C1QTNF3: variants seen among roughly 807,000 people sequenced by gnomAD.
C1QTNF3 encodes complement C1q tumor necrosis factor-related protein 3.
A neutral mutation model predicts 32.6 loss-of-function variants in C1QTNF3; 26 were observed. The observed-to-expected ratio is 0.80, with a 90% CI of 0.58 to 1.11. C1QTNF3 has a LOEUF of 1.11. Ranked by LOEUF, C1QTNF3 falls within the 50% of genes least tolerant of loss-of-function variation. C1QTNF3 has a pLI of 0.00. For synonymous variants in C1QTNF3, 155 were observed against 146.0 expected (o/e 1.06, Z -0.44); for missense variants, 362 against 398.2 (o/e 0.91, Z 0.77).
chr5:34,203,453 C>T, the C1QTNF3 span, among the ~76,000 whole-genome samples: 3 of 152,204 alleles, frequency 2.0e-5, no homozygotes, highest in Admixed American at 6.5e-5. Context: ...TTTGGGAGGC[C>T]GAGGTGGGTG....
chr5:34,202,415 G>A, the C1QTNF3 span, among the ~76,000 whole-genome samples: 2 of 151,948 alleles, frequency 1.3e-5, no homozygotes, highest in East Asian at 3.9e-4. Flanking sequence ...TTCATCTGTC[G>A]AATTTTCCCA....
At chr5:34,044,264 T>G (rs1754943778), upstream of C1QTNF3, among the ~76,000 whole-genome samples, 1 of 152,266 alleles carries the variant, frequency 6.6e-6, no homozygotes, top group Admixed American at 6.5e-5. Flanking sequence ...ATTTAAACAG[T>G]TTTGTCATCA....
At chr5:34,239,105 T>G in the C1QTNF3 span, among the ~76,000 whole-genome samples, 464 of 152,242 alleles carry the variant, frequency 3.0e-3, 4 homozygotes, top group African/African-American at 0.011. Flanking sequence ...AGGGAGTCAA[T>G]TTCAACTTGA....
the C1QTNF3 span, among the ~76,000 whole-genome samples, chr5:34,226,908 G>C: frequency 6.6e-6 from 1 of 151,530 alleles, no homozygotes; most frequent in Non-Finnish European, 1.5e-5. Context: ...GTGTTTACAA[G>C]ATGGATCCTT....
the C1QTNF3 span, among the ~76,000 whole-genome samples, chr5:34,176,843 C>T: frequency 5.1e-3 from 689 of 136,032 alleles, 1 homozygote; most frequent in Middle Eastern, 0.019. Flanking sequence ...GGTGACAGAA[C>T]AAGACCCTAT....
At chr5:34,131,939 C>G in the C1QTNF3 span, among the ~76,000 whole-genome samples, 1 of 151,860 alleles carries the variant, frequency 6.6e-6, no homozygotes, top group African/African-American at 2.4e-5. Flanking sequence ...AGAAAAAATA[C>G]AAAACATTAA....
the C1QTNF3 span, among the ~76,000 whole-genome samples, chr5:34,205,213 G>C: frequency 2.6e-5 from 4 of 151,614 alleles, no homozygotes; most frequent in African/African-American, 9.7e-5. Context: ...CAAAATAAGA[G>C]TCAGGATTTT....
the C1QTNF3 span, among the ~76,000 whole-genome samples, chr5:34,197,092 C>G: frequency 6.6e-6 from 1 of 152,298 alleles, no homozygotes; most frequent in Non-Finnish European, 1.5e-5. Flanking sequence ...CTTACTGCCT[C>G]ATAATATAGA....
chr5:34,088,603 C>T, the C1QTNF3 span, among the ~76,000 whole-genome samples: 2 of 152,086 alleles, frequency 1.3e-5, no homozygotes, highest in Admixed American at 6.6e-5. Flanking sequence ...GGCATTAAAG[C>T]TTATGTTTAA....
At chr5:34,134,872 G>T in the C1QTNF3 span, among the ~76,000 whole-genome samples, 1 of 152,104 alleles carries the variant, frequency 6.6e-6, no homozygotes. Context: ...CTGCAAACAG[G>T]GACAATTTGC....
chr5:34,211,621 T>A, the C1QTNF3 span, among the ~76,000 whole-genome samples: 1 of 146,026 alleles, frequency 6.8e-6, no homozygotes, highest in African/African-American at 2.5e-5. Context: ...AATTCCCACG[T>A]ATGAGTGAGA....
At chr5:34,175,871 G>T in the C1QTNF3 span, 2 of 798,616 alleles carry the variant, frequency 2.5e-6, no homozygotes, top group South Asian at 2.7e-5. Context: ...CTCCAACCAC[G>T]TATTTTCTGC....
chr5:34,034,613 A>T (rs1410078334), intron 2 of C1QTNF3, among the ~76,000 whole-genome samples: 1 of 152,220 alleles, frequency 6.6e-6, no homozygotes, highest in Non-Finnish European at 1.5e-5. Context: ...CAAATGGATG[A>T]ACTTTGACTG....
intron 3 of C1QTNF3, among the ~76,000 whole-genome samples, chr5:34,031,156 G>A (rs1242961268): frequency 6.6e-6 from 1 of 152,188 alleles, no homozygotes; most frequent in African/African-American, 2.4e-5. Flanking sequence ...AGCTGTGAAA[G>A]TCAAAGTTAA....
intron 2 of C1QTNF3, among the ~76,000 whole-genome samples, chr5:34,034,859 T>C (rs1053330446): frequency 6.6e-6 from 1 of 152,202 alleles, no homozygotes; most frequent in African/African-American, 2.4e-5. Context: ...TTTCTTGCTG[T>C]AAATTTGGTT....
the C1QTNF3 span, among the ~76,000 whole-genome samples, chr5:34,124,847 T>C: frequency 3.3e-5 from 5 of 152,218 alleles, no homozygotes; most frequent in Non-Finnish European, 7.3e-5. Context: ...ACAAAAGTGA[T>C]TGATTCTCCA....
chr5:34,079,028 C>T, the C1QTNF3 span, among the ~76,000 whole-genome samples: 1 of 151,720 alleles, frequency 6.6e-6, no homozygotes, highest in East Asian at 1.9e-4. Context: ...GCCTTCCCTA[C>T]ATTTGCATAT....
chr5:34,086,709 A>G, the C1QTNF3 span, among the ~76,000 whole-genome samples: 2 of 152,184 alleles, frequency 1.3e-5, no homozygotes, highest in Non-Finnish European at 2.9e-5. Flanking sequence ...AATGTGATAC[A>G]GCATTTGTAA....
chr5:34,211,445 G>C, the C1QTNF3 span, among the ~76,000 whole-genome samples: 4 of 151,760 alleles, frequency 2.6e-5, no homozygotes, highest in South Asian at 8.3e-4. Flanking sequence ...CAGTGTGCAG[G>C]TTAGTTACAT....
Sources: gnomAD v4.1 joint callset for allele counts (sites outside exome capture counted in the v4.1 genomes callset) on GRCh38, gnomAD v4.1.1 for gene constraint, MANE v1.5 for transcripts, NCBI Gene and HGNC (gene_info 2026-07-23, HGNC 2026-07-21) for gene names.